ZDHHC14: variants seen among roughly 807,000 people sequenced by gnomAD.
The protein encoded by ZDHHC14 is zDHHC palmitoyltransferase 14.
In ZDHHC14, 16 loss-of-function variants were observed where a neutral mutation model predicts 47.7. The observed-to-expected ratio is 0.34, with a 90% confidence interval of 0.23 to 0.51. The LOEUF is 0.51. Ranked by LOEUF, ZDHHC14 falls within the 20% of genes least tolerant of loss-of-function variation. The pLI, the probability that ZDHHC14 is intolerant of heterozygous loss-of-function variation, is 0.97. For synonymous variants in ZDHHC14, 293 were observed against 278.9 expected (o/e 1.05, Z -0.50); for missense variants, 515 against 662.5 (o/e 0.78, Z 2.44).
intron 1 of ZDHHC14, among the ~76,000 whole-genome samples, chr6:157,422,428 A>G (rs1378465644): frequency 2.0e-5 from 3 of 152,170 alleles, no homozygotes; most frequent in Non-Finnish European, 4.4e-5. Context: ...CACACATCCC[A>G]GATTTAAAGG....
At chr6:157,441,362 A>T (rs1246007751) in intron 1 of ZDHHC14, among the ~76,000 whole-genome samples, 1 of 152,194 alleles carries the variant, frequency 6.6e-6, no homozygotes, top group Non-Finnish European at 1.5e-5. Context: ...AATTCTGTGA[A>T]TCTGGTTATT....
chr6:157,654,284 C>T (rs544628272), intron 8 of ZDHHC14, among the ~76,000 whole-genome samples: 1 of 151,942 alleles, frequency 6.6e-6, no homozygotes, highest in South Asian at 2.1e-4. Context: ...AGGAGTCGCT[C>T]ATGGACACCA....
At chr6:157,627,635 C>T (rs543056522) in intron 3 of ZDHHC14, among the ~76,000 whole-genome samples, 4 of 152,268 alleles carry the variant, frequency 2.6e-5, no homozygotes, top group East Asian at 3.9e-4. Context: ...GTGCCAGAGG[C>T]GGCATGGACA....
intron 1 of ZDHHC14, among the ~76,000 whole-genome samples, chr6:157,461,543 G>A (rs1276378143): frequency 6.6e-6 from 1 of 152,188 alleles, no homozygotes; most frequent in Non-Finnish European, 1.5e-5. Flanking sequence ...ATTTGGATTA[G>A]TGAAATGCAG....
Position 157,677,625 on chromosome 6 carries a change from T to C in ZDHHC14, c.*4503T>C, listed in dbSNP as rs1472036034. 1.3e-5 allele frequency: 2 copies of C among 152,198 alleles called. No individual in the cohort carries two copies. Among genetic ancestry groups the C allele is most frequent in the East Asian group, 1.9e-4 (1 of 5,192 alleles). The allele number at this position is 152,198 out of a possible 1,614,324, so 9.4% of individuals were successfully genotyped here. A position where few individuals can be genotyped will look rare whatever the true frequency, so the allele number is the denominator to read the frequency against. On this transcript the variant is annotated 3_prime_UTR_variant, in exon 9 of 9. Coordinates refer to ENST00000359775, the MANE Select transcript of ZDHHC14 (RefSeq NM_024630.3). ...CCCCAGGAATTACACACAGAATGGATTGAAAAGCAGACAAGCATCTTGTGC... is the reference window on the plus strand; with the variant it reads ...CCCCAGGAATTACACACAGAATGGACTGAAAAGCAGACAAGCATCTTGTGC...
intron 3 of ZDHHC14, among the ~76,000 whole-genome samples, chr6:157,617,695 G>A (rs1017550940): frequency 6.6e-6 from 1 of 152,058 alleles, no homozygotes; most frequent in Non-Finnish European, 1.5e-5. Flanking sequence ...TTATTTTGAG[G>A]ATAAATTGAC....
intron 1 of ZDHHC14, among the ~76,000 whole-genome samples, chr6:157,382,512 C>G (rs1777234764): frequency 6.6e-6 from 1 of 152,150 alleles, no homozygotes; most frequent in Non-Finnish European, 1.5e-5. Context: ...GGGGGCCAGG[C>G]CTTGCCAATC....
intron 1 of ZDHHC14, among the ~76,000 whole-genome samples, chr6:157,421,131 C>T (rs547471449): frequency 4.6e-5 from 7 of 151,904 alleles, no homozygotes; most frequent in Admixed American, 2.0e-4. Flanking sequence ...TTATTATGAC[C>T]GCAGAGCCCA....
At chr6:157,470,394 T>C (rs1779326266) in intron 1 of ZDHHC14, among the ~76,000 whole-genome samples, 1 of 152,206 alleles carries the variant, frequency 6.6e-6, no homozygotes, top group African/African-American at 2.4e-5. Context: ...TGAGATTAAG[T>C]AAACTGACCT....
In ZDHHC14 at chr6:157,675,889, C is replaced by G. The variant is rs1334248671; in HGVS notation, c.*2767C>G. 6.6e-6 allele frequency: 1 copy of G among 152,168 alleles called. No individual in the cohort carries two copies. Among genetic ancestry groups the G allele is most frequent in the Non-Finnish European group, 1.5e-5 (1 of 68,038 alleles). The allele number at this position is 152,168 out of a possible 1,614,324, so 9.4% of individuals were successfully genotyped here. A position where few individuals can be genotyped will look rare whatever the true frequency, so the allele number is the denominator to read the frequency against. Reference sequence around the variant, plus strand: ...ATAAAAAGTAAAATAAATATTTTACCATGCTATTAAAGCTTGGACCATTAT... The same window carrying G: ...ATAAAAAGTAAAATAAATATTTTACGATGCTATTAAAGCTTGGACCATTAT... On this transcript the variant is annotated 3_prime_UTR_variant, in exon 9 of 9. Coordinates refer to ENST00000359775, the MANE Select transcript of ZDHHC14 (RefSeq NM_024630.3).
intron 2 of ZDHHC14, 142 bp from the exon 3 acceptor site, chr6:157,592,846 C>T: frequency 6.8e-7 from 1 of 1,471,944 alleles, no homozygotes; most frequent in Non-Finnish European, 9.0e-7. Context: ...CCCAGAGCCC[C>T]AGCCTGGGTA....
chr6:157,383,800 G>C (rs1255495896), intron 1 of ZDHHC14, among the ~76,000 whole-genome samples: 1 of 152,224 alleles, frequency 6.6e-6, no homozygotes, highest in East Asian at 1.9e-4. Context: ...CCTGTGGACG[G>C]GAGGGGAAGG....
chr6:157,545,180 G>A (rs893575202), intron 2 of ZDHHC14, among the ~76,000 whole-genome samples: 25 of 152,208 alleles, frequency 1.6e-4, no homozygotes, highest in African/African-American at 5.8e-4. Context: ...GGAGATTAGT[G>A]ATTTCCTGGG....
intron 1 of ZDHHC14, among the ~76,000 whole-genome samples, chr6:157,405,342 C>T (rs1777731384): frequency 6.6e-6 from 1 of 152,150 alleles, no homozygotes; most frequent in African/African-American, 2.4e-5. Flanking sequence ...ACACTATTCT[C>T]CTGCCTCAGC....
At chr6:157,478,264 A>G (rs1779539156) in intron 1 of ZDHHC14, among the ~76,000 whole-genome samples, 1 of 152,182 alleles carries the variant, frequency 6.6e-6, no homozygotes, top group Non-Finnish European at 1.5e-5. Flanking sequence ...TTTATTATGT[A>G]TTATTTGATA....
intron 3 of ZDHHC14, among the ~76,000 whole-genome samples, chr6:157,593,750 A>G (rs1784010385): frequency 6.6e-6 from 1 of 152,248 alleles, no homozygotes; most frequent in African/African-American, 2.4e-5. Context: ...CCGGCCCAGC[A>G]TGGGCCTTCT....
chr6:157,409,617 G>A (rs1049365744), intron 1 of ZDHHC14, among the ~76,000 whole-genome samples: 2 of 152,152 alleles, frequency 1.3e-5, no homozygotes, highest in Admixed American at 1.3e-4. Flanking sequence ...CTCTGCCCTC[G>A]TGGAGCAGAT....
At chr6:157,623,714 T>C (rs1274157195) in intron 3 of ZDHHC14, among the ~76,000 whole-genome samples, 2 of 151,768 alleles carry the variant, frequency 1.3e-5, no homozygotes, top group Non-Finnish European at 2.9e-5. Context: ...CACACCCAGC[T>C]AATTTTTGTA....
At chr6:157,548,747 C>G (rs997371110) in intron 2 of ZDHHC14, among the ~76,000 whole-genome samples, 2 of 152,222 alleles carry the variant, frequency 1.3e-5, no homozygotes, top group Admixed American at 1.3e-4. Context: ...CAGCCAGCCT[C>G]TGGCCTGTTC....
Sources: gnomAD v4.1 joint callset for allele counts (sites outside exome capture counted in the v4.1 genomes callset) on GRCh38, gnomAD v4.1.1 for gene constraint, MANE v1.5 for transcripts, NCBI Gene and HGNC (gene_info 2026-07-23, HGNC 2026-07-21) for gene names.